NPHS1: variants seen among roughly 807,000 people sequenced by gnomAD.
The protein encoded by NPHS1 is NPHS1 adhesion molecule, nephrin.
A neutral mutation model predicts 139.7 loss-of-function variants in NPHS1; 107 were observed. The observed-to-expected ratio is 0.77, with a 90% CI of 0.66 to 0.90. NPHS1 has a LOEUF of 0.90. NPHS1 is among the 40% of genes least tolerant of loss of function. The probability of loss-of-function intolerance (pLI) is 0.00; values close to 1 mark genes in which losing one functional copy is unlikely to be tolerated. For synonymous variants in NPHS1, 707 were observed against 706.6 expected (o/e 1.00, Z -0.01); for missense variants, 1,580 against 1,654.2 (o/e 0.96, Z 0.78).
intron 17 of NPHS1, 87 bp from the exon 18 acceptor site, chr19:35,842,637 C>T: frequency 7.4e-7 from 1 of 1,356,560 alleles, no homozygotes; most frequent in East Asian, 2.3e-5. Flanking sequence ...GCCTCATTCT[C>T]CTAGCCACAA....
At position 35,851,908 on chromosome 19, in the gene NPHS1, G is replaced by T; in HGVS notation, c.-71C>A. The T allele has an allele frequency of 2.2e-6, 3 of 1,345,138 alleles. No homozygotes were observed. Among genetic ancestry groups the T allele is most frequent in the Non-Finnish European group, 3.1e-6 (3 of 960,424 alleles). The allele number at this position is 1,345,138 out of a possible 1,614,324, so 83.3% of individuals were successfully genotyped here. A position where few individuals can be genotyped will look rare whatever the true frequency, so the allele number is the denominator to read the frequency against. ...CCTGCGTCTGTCTGGCTTTCTCTGG[G>T]TCCCTCTCTGTGTGTCTCTGCCACC... On this transcript the variant is annotated 5_prime_UTR_variant, in exon 1 of 29. Transcript: ENST00000378910.
chr19:35,842,284 G>T lies in NPHS1; in HGVS notation c.2507-4C>A. 1 of 1,612,436 alleles carries T rather than the reference G, an allele frequency of 6.2e-7. No homozygotes were observed. The highest frequency in any genetic ancestry group is 8.5e-7 in the Non-Finnish European group (1 of 1,179,998). Reference sequence around the variant, plus strand: ...GGGTGCTCCACCTGGGGGGCAACTGGGAGGGGATGGGCAGTCAACATGAGC... The same window carrying T: ...GGGTGCTCCACCTGGGGGGCAACTGTGAGGGGATGGGCAGTCAACATGAGC... On this transcript the variant is annotated splice_polypyrimidine_tract_variant and splice_region_variant and intron_variant, in intron 18 of 28. Coordinates refer to ENST00000378910, the MANE Select transcript of NPHS1 (RefSeq NM_004646.4).
chr19:35,850,884 T>G, intron 4 of NPHS1, 77 bp downstream of exon 4: 1 of 1,565,866 alleles, frequency 6.4e-7, no homozygotes, highest in East Asian at 2.3e-5. Flanking sequence ...CTTAGAAGGG[T>G]ACTGGTCAGG....
At position 35,831,397 on chromosome 19, in the gene NPHS1, A is replaced by T. The variant is rs779354593; in HGVS notation, c.3312-26T>A. 12 of 1,613,476 alleles carry T rather than the reference A, an allele frequency of 7.4e-6. No individual in the cohort carries two copies. The South Asian group carries it at 1.1e-4, about 15-fold the overall frequency. ...CTTCCAGGATGAAGGTGTGGGGGGA[A>T]GTTGAGTGCTGCCCCCCGCCACCAG... On this transcript the variant is annotated intron_variant, in intron 25 of 28. Transcript: ENST00000378910.
At chr19:35,832,135 C>T (rs1261465727) in intron 23 of NPHS1, among the ~76,000 whole-genome samples, 2 of 152,188 alleles carry the variant, frequency 1.3e-5, no homozygotes, top group African/African-American at 4.8e-5. Context: ...CACAAATCAA[C>T]CACCAGCTGT....
chr19:35,831,437 C>T, intron 25 of NPHS1, 39 bp downstream of exon 25: 1 of 1,613,656 alleles, frequency 6.2e-7, no homozygotes, highest in Non-Finnish European at 8.5e-7. Context: ...CCCCAAACCT[C>T]CCTCAGAGCC....
intron 28 of NPHS1, among the ~76,000 whole-genome samples, chr19:35,827,448 C>G (rs994374352): frequency 2.0e-5 from 3 of 151,560 alleles, no homozygotes; most frequent in African/African-American, 7.3e-5. Flanking sequence ...GGGTGACAGA[C>G]TGAGACTATC....
In NPHS1 at chr19:35,833,510, A is replaced by G. The variant is rs73928328; in HGVS notation, c.3167-1748T>C. Among the ~76,000 whole-genome samples the G allele has an allele frequency of 6.3e-3, 963 of 152,258 alleles. 10 individuals are homozygous for G. Among genetic ancestry groups the G allele is most frequent in the African/African-American group, 0.022 (920 of 41,532 alleles). On this transcript the variant is annotated intron_variant, in intron 23 of 28. Coordinates refer to ENST00000378910, the MANE Select transcript of NPHS1 (RefSeq NM_004646.4). ...TGTTTTTAACAAAACATTTAGGACAATTCTACTAGCTGTCAAGAAGATGGA... is the reference window on the plus strand; with the variant it reads ...TGTTTTTAACAAAACATTTAGGACAGTTCTACTAGCTGTCAAGAAGATGGA...
chr19:35,851,910 C>T lies in NPHS1; in HGVS notation c.-73G>A, dbSNP rs562582669. 2.2e-6 allele frequency: 3 copies of T among 1,349,562 alleles called. No homozygotes were observed. Among genetic ancestry groups the T allele is most frequent in the African/African-American group, 2.9e-5 (2 of 68,924 alleles). The allele number at this position is 1,349,562 out of a possible 1,614,324, so 83.6% of individuals were successfully genotyped here. ...TGCGTCTGTCTGGCTTTCTCTGGGT[C>T]CCTCTCTGTGTGTCTCTGCCACCTG... is the stretch of plus-strand genomic sequence containing the variant. On this transcript the variant is annotated 5_prime_UTR_variant, in exon 1 of 29. Transcript: ENST00000378910.
chr19:35,835,768 G>T lies in NPHS1; in HGVS notation c.3110-7C>A, dbSNP rs1972949043. Reference sequence around the variant, plus strand: ...CCAGAAGGCTGGTGGAGACCTGGGGGGTGGATATACAGATTGTGACTTAAC... The same window carrying T: ...CCAGAAGGCTGGTGGAGACCTGGGGTGTGGATATACAGATTGTGACTTAAC... On this transcript the variant is annotated splice_polypyrimidine_tract_variant and splice_region_variant and intron_variant, in intron 22 of 28. Transcript: ENST00000378910. 6.2e-7 allele frequency: 1 copy of T among 1,612,928 alleles called. No individual in the cohort carries two copies. The highest frequency in any genetic ancestry group is 8.5e-7 in the Non-Finnish European group (1 of 1,179,174).
chr19:35,849,228 G>GC lies in NPHS1; in HGVS notation c.840+7dup, dbSNP rs757668116. The GC allele has an allele frequency of 1.8e-5, 29 of 1,613,832 alleles. No individual in the cohort carries two copies. In the African/African-American group the frequency reaches 3.3e-4, roughly 19 times the overall value. On this transcript the variant is annotated splice_region_variant and intron_variant, in intron 7 of 28. Transcript: ENST00000378910. The stretch of plus-strand genomic sequence containing the variant: ...CCCCCCATTCCCCATGCCCGCGTTT[G>GC]CCCTCACCTTCAGCCACTGCAGTGT...
chr19:35,839,444 C>G, intron 21 of NPHS1, 26 bp from the exon 22 acceptor site: 1 of 1,613,820 alleles, frequency 6.2e-7, no homozygotes, highest in Non-Finnish European at 8.5e-7. Flanking sequence ...ATAGTAAATT[C>G]AGGGAAGTGC....
In NPHS1 at chr19:35,848,673, C is replaced by A. The variant is rs386833869; in HGVS notation, c.1134G>T (p.Trp378Cys). ...PRVLLRWWLG[W>C]RQLLPMEETV... ...TCTCCTCCATGGGCAGCAGCTGCCG[C>A]CAGCCCAGCCACCATCGTAGCAGAA... The change falls in exon 9 of 29, where the codon TGG becomes TGT. Residue 378 changes from tryptophan to cysteine, a missense_variant. Trp to Cys is a radical substitution (Grantham distance 215). Coordinates refer to ENST00000378910, the MANE Select transcript of NPHS1 (RefSeq NM_004646.4). The A allele has an allele frequency of 6.2e-7, 1 of 1,614,048 alleles. No homozygotes were observed.
intron 11 of NPHS1, among the ~76,000 whole-genome samples, chr19:35,847,063 T>G (rs75076211): frequency 6.6e-6 from 1 of 152,128 alleles, no homozygotes; most frequent in Non-Finnish European, 1.5e-5. Context: ...TCTTTTTTTT[T>G]GAGACGGAGT....
At chr19:35,848,955 G>T (rs759775186) in intron 8 of NPHS1, 21 bp downstream of exon 8, 2 of 1,611,318 alleles carry the variant, frequency 1.2e-6, no homozygotes, top group South Asian at 2.2e-5. Flanking sequence ...CGACAGGGGG[G>T]CAGCTGGCAC....
chr19:35,843,995 C>T, intron 16 of NPHS1, 108 bp downstream of exon 16: 1 of 1,476,448 alleles, frequency 6.8e-7, no homozygotes, highest in South Asian at 1.2e-5. Flanking sequence ...CGGGAGGGTT[C>T]CAGGATGGGT....
chr19:35,848,489 C>T, intron 9 of NPHS1, 92 bp from the exon 10 acceptor site: 1 of 1,595,202 alleles, frequency 6.3e-7, no homozygotes, highest in Non-Finnish European at 8.6e-7. Context: ...AGCAGGGACA[C>T]AGGAGACATC....
In NPHS1 at chr19:35,851,068, A is replaced by G; in HGVS notation, c.419T>C (p.Leu140Pro). 1 of 1,614,210 alleles carries G rather than the reference A, an allele frequency of 6.2e-7. No individual in the cohort carries two copies. The highest frequency in any genetic ancestry group is 2.2e-5 in the East Asian group (1 of 44,880). The change falls in exon 4 of 29, where the codon CTG (leucine) becomes CCG (proline). Residue 140 changes from leucine (L) to proline (P), a missense_variant. By Grantham distance (98) the Leu-to-Pro change is moderately conservative. Transcript: ENST00000378910. The part of the protein sequence containing the change: ...SILVPPKLLL[L>P]TPEAGTMVTW... ...GACCATGGTGCCTGCCTCTGGGGTC[A>G]GCAGGAGCAGCTTGGGAGGAACTGG...
At chr19:35,848,914 G>A (rs1973185512) in intron 8 of NPHS1, 62 bp downstream of exon 8, 1 of 1,609,646 alleles carries the variant, frequency 6.2e-7, no homozygotes. Context: ...TAATTTGGGG[G>A]CACACACAGA....
Sources: allele counts gnomAD v4.1 joint callset (sites outside exome capture counted in the v4.1 genomes callset), GRCh38; gene constraint gnomAD v4.1.1; transcripts MANE v1.5; gene names NCBI Gene and HGNC (gene_info 2026-07-23, HGNC 2026-07-21).